The following BRINP1 variants were observed in gnomAD, a reference collection of about 807,000 sequenced individuals.
BRINP1 encodes the protein BMP/retinoic acid-inducible neural-specific protein 1.
Under a neutral mutation model 72.9 loss-of-function variants are expected in BRINP1, and 17 were observed. The ratio of observed to expected loss-of-function variants is 0.23; its 90% confidence interval spans 0.16 to 0.35. BRINP1 has a LOEUF of 0.35. Ranked by LOEUF, BRINP1 falls within the 10% of genes least tolerant of loss-of-function variation. BRINP1 has a pLI of 1.00. For synonymous variants in BRINP1, 418 were observed against 378.5 expected, an observed-to-expected ratio of 1.10 and a Z score of -1.21; for missense variants, 850 against 1,001.6, an observed-to-expected ratio of 0.85 and a Z score of 2.04.
chr9:119,257,792 C>T (rs1830459882), intron 2 of BRINP1, among the ~76,000 whole-genome samples: 1 of 152,134 alleles, frequency 6.6e-6, no homozygotes, highest in Non-Finnish European at 1.5e-5. Flanking sequence ...GATCCTCAGC[C>T]AGCTCAGAGA....
At chr9:119,191,148 G>A (rs558496276) in intron 7 of BRINP1, among the ~76,000 whole-genome samples, 1 of 151,728 alleles carries the variant, frequency 6.6e-6, no homozygotes, top group South Asian at 2.1e-4. Context: ...ATAATAAAGG[G>A]TATTTATGAA....
intron 1 of BRINP1, among the ~76,000 whole-genome samples, chr9:119,367,794 G>A (rs1306904258): frequency 6.6e-6 from 1 of 152,024 alleles, no homozygotes; most frequent in Admixed American, 6.6e-5. Context: ...TCAAATTGTA[G>A]ATCTCCCTCA....
chr9:119,275,185 T>A (rs1433287675), intron 2 of BRINP1, among the ~76,000 whole-genome samples: 1 of 152,108 alleles, frequency 6.6e-6, no homozygotes, highest in East Asian at 1.9e-4. Context: ...AGAAAATGTA[T>A]CTATTTTTGT....
chr9:119,361,248 G>GA (rs201078869), intron 1 of BRINP1, among the ~76,000 whole-genome samples: 38 of 149,716 alleles, frequency 2.5e-4, no homozygotes, highest in African/African-American at 3.7e-4. Context: ...ACCCTCATAT[G>GA]AAAAAAAAAA....
At chr9:119,255,612 A>G (rs1588179611) in intron 2 of BRINP1, among the ~76,000 whole-genome samples, 1 of 152,150 alleles carries the variant, frequency 6.6e-6, no homozygotes, top group South Asian at 2.1e-4. Context: ...AAAAATACAC[A>G]TAGGTACACT....
intron 4 of BRINP1, among the ~76,000 whole-genome samples, chr9:119,239,776 G>A (rs1266479838): frequency 6.6e-6 from 1 of 152,122 alleles, no homozygotes; most frequent in Non-Finnish European, 1.5e-5. Context: ...CACTTCGGGT[G>A]CAGTCATATT....
chr9:119,348,908 T>C (rs1211727607), intron 1 of BRINP1, among the ~76,000 whole-genome samples: 1 of 152,184 alleles, frequency 6.6e-6, no homozygotes, highest in African/African-American at 2.4e-5. Context: ...TGGCCGGGTA[T>C]GTGTGGTGTA....
At chr9:119,267,597 T>C (rs1253875894) in intron 2 of BRINP1, among the ~76,000 whole-genome samples, 1 of 151,554 alleles carries the variant, frequency 6.6e-6, no homozygotes, top group Non-Finnish European at 1.5e-5. Context: ...GACCACACCA[T>C]TGCACTCTAC....
chr9:119,284,623 C>T (rs1251755888), intron 2 of BRINP1, among the ~76,000 whole-genome samples: 1 of 152,148 alleles, frequency 6.6e-6, no homozygotes, highest in Non-Finnish European at 1.5e-5. Context: ...ACCACTTGTC[C>T]CCTCACCCTG....
chr9:119,218,616 A>G (rs1050170213), intron 5 of BRINP1, among the ~76,000 whole-genome samples: 2 of 152,152 alleles, frequency 1.3e-5, no homozygotes, highest in Admixed American at 1.3e-4. Context: ...AGGTAACAGA[A>G]CCAGGACTCC....
intron 2 of BRINP1, among the ~76,000 whole-genome samples, chr9:119,312,154 C>T (rs927944414): frequency 1.3e-5 from 2 of 152,210 alleles, no homozygotes; most frequent in Non-Finnish European, 2.9e-5. Context: ...GATTATCTAA[C>T]ATGGACCAGA....
chr9:119,190,361 A>C (rs916501048), intron 7 of BRINP1, among the ~76,000 whole-genome samples: 1 of 151,668 alleles, frequency 6.6e-6, no homozygotes, highest in Non-Finnish European at 1.5e-5. Flanking sequence ...AATAAACCCA[A>C]GAGTTGGTTC....
At chr9:119,211,517 G>C (rs1269128963) in intron 6 of BRINP1, among the ~76,000 whole-genome samples, 1 of 151,954 alleles carries the variant, frequency 6.6e-6, no homozygotes, top group Non-Finnish European at 1.5e-5. Context: ...AATAAAAGTA[G>C]AAGTACTACA....
chr9:119,304,268 C>A (rs1830972059), intron 2 of BRINP1, among the ~76,000 whole-genome samples: 1 of 152,174 alleles, frequency 6.6e-6, no homozygotes, highest in Non-Finnish European at 1.5e-5. Context: ...TTGAGGCTCA[C>A]ATGGTTTAAG....
chr9:119,187,986 G>C (rs555990410), intron 7 of BRINP1, among the ~76,000 whole-genome samples: 19 of 152,300 alleles, frequency 1.2e-4, no homozygotes, highest in African/African-American at 4.6e-4. Flanking sequence ...GACTTGAAGG[G>C]AAGTGTTTTA....
In BRINP1 at chr9:119,177,227, A is replaced by G. The variant is rs1829499554; in HGVS notation, c.1146-9003T>C. ...CAGGACTGCAGTATTCGTTTTCCGT[A>G]CCATCCACCCACACAGCTCCAGGCC... is the stretch of plus-strand genomic sequence containing the variant. On this transcript the variant is annotated intron_variant, in intron 7 of 7. Transcript: ENST00000265922. 2.0e-5 allele frequency among the ~76,000 whole-genome samples: 3 copies of G among 152,150 alleles called. No homozygotes were observed. The South Asian group carries it at 6.2e-4, about 32-fold the overall frequency.
chr9:119,324,313 G>C (rs1047127548), intron 1 of BRINP1, among the ~76,000 whole-genome samples: 3 of 152,186 alleles, frequency 2.0e-5, no homozygotes, highest in Admixed American at 1.3e-4. Context: ...ATGAAGTGAA[G>C]AGCAGAAGCC....
intron 6 of BRINP1, among the ~76,000 whole-genome samples, chr9:119,211,706 G>GAAA (rs1401009043): frequency 6.6e-6 from 1 of 152,162 alleles, no homozygotes; most frequent in African/African-American, 2.4e-5. Context: ...TGGACCAAAG[G>GAAA]AAAACTCATA....
At chr9:119,174,870 A>AAAAAC (rs1426408473) in intron 7 of BRINP1, among the ~76,000 whole-genome samples, 1 of 151,102 alleles carries the variant, frequency 6.6e-6, no homozygotes, top group East Asian at 2.0e-4. Context: ...CGCAAGAACA[A>AAAAAC]AAAACCAAAC....
Sources: allele counts gnomAD v4.1 joint callset (sites outside exome capture counted in the v4.1 genomes callset), GRCh38; gene constraint gnomAD v4.1.1; transcripts MANE v1.5; gene names NCBI Gene and HGNC (gene_info 2026-07-23, HGNC 2026-07-21).